ZSCAN1: variants seen among roughly 807,000 people sequenced by gnomAD.
The protein encoded by ZSCAN1 is zinc finger and SCAN domain containing 1.
In ZSCAN1, 23 loss-of-function variants were observed where a neutral mutation model predicts 23.8. The observed-to-expected ratio is 0.97, with a 90% confidence interval of 0.70 to 1.37. The LOEUF (loss-of-function observed/expected upper bound fraction) is 1.37, where lower values mean the gene tolerates loss of function less well. Ranked by LOEUF, ZSCAN1 falls within the 40% of genes most tolerant of loss-of-function variation. The probability of loss-of-function intolerance (pLI) is 0.00; values close to 1 mark genes in which losing one functional copy is unlikely to be tolerated. For missense variants in ZSCAN1, 575 were observed against 554.0 expected, an observed-to-expected ratio of 1.04 and a Z score of -0.38; for synonymous variants, 236 against 232.3, an observed-to-expected ratio of 1.02 and a Z score of -0.15.
At position 58,044,556 on chromosome 19, in the gene ZSCAN1, A is replaced by C. The variant is rs1264638636; in HGVS notation, c.465+4012A>C. ...GCGGAGAAGGAGGAGGAGCCAGCGC[A>C]GGAGGCCCGAGCGGCCGCCACGCCC... On this transcript the variant is annotated intron_variant, in intron 4 of 5. Coordinates refer to ENST00000282326, the MANE Select transcript of ZSCAN1 (RefSeq NM_182572.4). 5 of 586,548 alleles carry C rather than the reference A, an allele frequency of 8.5e-6. No homozygotes were observed. In the African/African-American group the frequency reaches 9.9e-5, roughly 12 times the overall value. 36.3% of individuals were successfully genotyped at this position (586,548 alleles called of 1,614,324 possible). A position where few individuals can be genotyped will look rare whatever the true frequency, so the allele number is the denominator to read the frequency against.
At chr19:58,048,068 G>A (rs570981480) in intron 4 of ZSCAN1, among the ~76,000 whole-genome samples, 3 of 152,356 alleles carry the variant, frequency 2.0e-5, no homozygotes, top group East Asian at 1.9e-4. Context: ...GCGCTCAGAC[G>A]ATGCCTTCTC....
intron 1 of ZSCAN1, among the ~76,000 whole-genome samples, chr19:58,035,135 C>A (rs753860499): frequency 1.3e-5 from 2 of 152,092 alleles, no homozygotes; most frequent in Non-Finnish European, 2.9e-5. Flanking sequence ...TAATCAGAGA[C>A]CCCTACCAAA....
chr19:58,052,767 C>A, intron 5 of ZSCAN1, 139 bp downstream of exon 5: 1 of 1,273,496 alleles, frequency 7.9e-7, no homozygotes, highest in Admixed American at 2.8e-5. Context: ...ATGCACACCT[C>A]CTGTGAGGAC....
rs192751954 is a variant in ZSCAN1, at chr19:58,037,762, C to A, written c.-75C>A. 2 of 1,423,280 alleles carry A rather than the reference C, an allele frequency of 1.4e-6. No individual in the cohort carries two copies. Among genetic ancestry groups the A allele is most frequent in the Non-Finnish European group, 1.8e-6 (2 of 1,090,460 alleles). 88.2% of individuals were successfully genotyped at this position (1,423,280 alleles called of 1,614,324 possible). ...TGCTGATTCTGTCCGCCTGCCACAC[C>A]GGCTCTGTCCGGAGCCACTGGGACT... On this transcript the variant is annotated 5_prime_UTR_variant, in exon 3 of 6. Coordinates refer to ENST00000282326, the MANE Select transcript of ZSCAN1 (RefSeq NM_182572.4).
intron 5 of ZSCAN1, among the ~76,000 whole-genome samples, 159 bp downstream of exon 5, chr19:58,052,787 G>C (rs1258619489): frequency 6.6e-6 from 1 of 152,118 alleles, no homozygotes; most frequent in Non-Finnish European, 1.5e-5. Context: ...CTGAGATCTG[G>C]GGCCCCTAGA....
At chr19:58,038,505 G>C in intron 3 of ZSCAN1, 2 of 561,278 alleles carry the variant, frequency 3.6e-6, no homozygotes, top group South Asian at 4.8e-5. Context: ...TGGGAAGGAC[G>C]CTGCCTCGCC....
chr19:58,046,078 A>G (rs915882950), intron 4 of ZSCAN1: 96 of 680,964 alleles, frequency 1.4e-4, no homozygotes, highest in Non-Finnish European at 3.2e-5. Context: ...CGCTCCCCAA[A>G]GGCCAGGGGC....
At position 58,047,317 on chromosome 19, in the gene ZSCAN1, T is replaced by C. The variant is rs2073832499; in HGVS notation, c.466-5173T>C. On this transcript the variant is annotated intron_variant, in intron 4 of 5. Transcript: ENST00000282326. The surrounding 1 kb of genome is among the most constrained non-coding windows in gnomAD (Gnocchi z 4.9). ...ACTGTGGAGACAGAGGTATCTGCCA[T>C]CTCTGTGGCCTCTGGAGAGTGACGT... 6.6e-6 allele frequency among the ~76,000 whole-genome samples: 1 copy of C among 152,268 alleles called. No individual in the cohort carries two copies. The highest frequency in any genetic ancestry group is 1.5e-5 in the Non-Finnish European group (1 of 68,046).
At chr19:58,041,630 G>A (rs2073790371) in intron 4 of ZSCAN1, among the ~76,000 whole-genome samples, 1 of 152,218 alleles carries the variant, frequency 6.6e-6, no homozygotes, top group Admixed American at 6.5e-5. Context: ...CACTTTGAGT[G>A]AGGCCTCACG....
In ZSCAN1 at chr19:58,054,167, T is replaced by A. The variant is rs1484283130; in HGVS notation, c.*116T>A. 7.5e-7 allele frequency: 1 copy of A among 1,324,540 alleles called. No individual in the cohort carries two copies. Among genetic ancestry groups the A allele is most frequent in the East Asian group, 2.6e-5 (1 of 39,178 alleles). 82.0% of individuals were successfully genotyped at this position (1,324,540 alleles called of 1,614,324 possible). On this transcript the variant is annotated 3_prime_UTR_variant, in exon 6 of 6. Transcript: ENST00000282326. The surrounding 1 kb of genome is among the most constrained non-coding windows in gnomAD (Gnocchi z 4.2). ...CAACCCCTGGCCACCTTGGGACTCC[T>A]CTTGAAGGACACAAGCTGTTTCTCG...
rs898574728 is a variant in ZSCAN1, at chr19:58,040,983, G to A, written c.465+439G>A. ...GCTGTTGCGCAGGCCTCAAGGCGAC[G>A]GGAGGGGCCCGGCTCGGTTGGGAGC... On this transcript the variant is annotated intron_variant, in intron 4 of 5. Transcript: ENST00000282326. This position sits in a 1 kb window ranked among gnomAD's most constrained non-coding sequence, Gnocchi z 5.8. 4.6e-5 allele frequency among the ~76,000 whole-genome samples: 7 copies of A among 152,226 alleles called. No homozygotes were observed. Among genetic ancestry groups the A allele is most frequent in the East Asian group, 1.9e-4 (1 of 5,198 alleles).
At chr19:58,041,848 C>T (rs557643705) in intron 4 of ZSCAN1, among the ~76,000 whole-genome samples, 1 of 152,260 alleles carries the variant, frequency 6.6e-6, no homozygotes, top group East Asian at 1.9e-4. Context: ...TACACTCCAG[C>T]CTGGATGACA....
At chr19:58,048,489 C>T (rs2073839864) in intron 4 of ZSCAN1, among the ~76,000 whole-genome samples, 1 of 152,152 alleles carries the variant, frequency 6.6e-6, no homozygotes, top group Admixed American at 6.5e-5. Flanking sequence ...CTTTCTTTTT[C>T]TTTTTTCTGA....
At chr19:58,051,840 C>A (rs997762053) in intron 4 of ZSCAN1, among the ~76,000 whole-genome samples, 2 of 152,264 alleles carry the variant, frequency 1.3e-5, no homozygotes, top group African/African-American at 4.8e-5. Flanking sequence ...CAGGGCCACA[C>A]AACAAGCAGG....
chr19:58,038,591 A>C (rs1293429876), intron 3 of ZSCAN1: 1 of 470,276 alleles, frequency 2.1e-6, no homozygotes, highest in African/African-American at 2.0e-5. Context: ...CACAGGGCGC[A>C]GGCCCCATCG....
chr19:58,046,086 G>A (rs1404988919), intron 4 of ZSCAN1: 8 of 683,330 alleles, frequency 1.2e-5, no homozygotes, highest in South Asian at 3.4e-5. Context: ...AAAGGCCAGG[G>A]GCCCAGCCCC....
chr19:58,042,693 G>A (rs999548844), intron 4 of ZSCAN1, among the ~76,000 whole-genome samples: 9 of 152,116 alleles, frequency 5.9e-5, no homozygotes, highest in African/African-American at 9.7e-5. Flanking sequence ...AGCCGCTGCC[G>A]GCAGATGTGC....
At chr19:58,043,563 T>G (rs1005855494) in intron 4 of ZSCAN1, among the ~76,000 whole-genome samples, 1 of 152,206 alleles carries the variant, frequency 6.6e-6, no homozygotes, top group Non-Finnish European at 1.5e-5. Flanking sequence ...GCTGTGGACT[T>G]CATAAACATG....
At position 58,045,566 on chromosome 19, in the gene ZSCAN1, C is replaced by A. The variant is rs1279405996; in HGVS notation, c.465+5022C>A. 1.2e-5 allele frequency: 14 copies of A among 1,207,108 alleles called. No individual in the cohort carries two copies. The highest frequency in any genetic ancestry group is 1.7e-5 in the Non-Finnish European group (14 of 809,078). The allele number at this position is 1,207,108 out of a possible 1,614,324, so 74.8% of individuals were successfully genotyped here. A position where few individuals can be genotyped will look rare whatever the true frequency, so the allele number is the denominator to read the frequency against. On this transcript the variant is annotated intron_variant, in intron 4 of 5. Coordinates refer to ENST00000282326, the MANE Select transcript of ZSCAN1 (RefSeq NM_182572.4). The surrounding 1 kb of genome is among the most constrained non-coding windows in gnomAD (Gnocchi z 4.3). The stretch of plus-strand genomic sequence containing the variant: ...ACCTGACACGGCCGCAGCTGGTGGC[C>A]CTGTGCAAGCTGCTGGAGCTACAGC...
Sources: allele counts gnomAD v4.1 joint callset (sites outside exome capture counted in the v4.1 genomes callset), GRCh38; gene constraint gnomAD v4.1.1; non-coding constraint Gnocchi (gnomAD v3.1); transcripts MANE v1.5; gene names NCBI Gene and HGNC (gene_info 2026-07-23, HGNC 2026-07-21).